ZNF532: variants seen among roughly 807,000 people sequenced by gnomAD.
The protein encoded by ZNF532 is zinc finger protein 532.
Under a neutral mutation model 89.3 loss-of-function variants are expected in ZNF532, and 22 were observed. The observed-to-expected ratio is 0.25, with a 90% CI of 0.18 to 0.35. ZNF532 has a LOEUF of 0.35. Among genes scored for constraint, ZNF532 ranks in the 10% least tolerant of loss-of-function variants. The probability of loss-of-function intolerance (pLI) is 1.00; values close to 1 mark genes in which losing one functional copy is unlikely to be tolerated. For synonymous variants in ZNF532, 606 were observed against 649.6 expected (o/e 0.93, Z 1.02); for missense variants, 1,132 against 1,643.4 (o/e 0.69, Z 5.38).
chr18:58,943,258 C>G (rs1249142494), intron 5 of ZNF532, among the ~76,000 whole-genome samples: 2 of 147,816 alleles, frequency 1.4e-5, no homozygotes, highest in African/African-American at 5.0e-5. Flanking sequence ...CTCCCGGGTT[C>G]TCGCCATTCT....
chr18:58,967,791 C>T (rs1017672961), intron 7 of ZNF532, among the ~76,000 whole-genome samples: 45 of 152,180 alleles, frequency 3.0e-4, no homozygotes, highest in Non-Finnish European at 4.6e-4. Context: ...ACTCTCACCA[C>T]GTTTTATTAC....
At chr18:58,932,091 G>A (rs2062013158) in intron 3 of ZNF532, among the ~76,000 whole-genome samples, 1 of 152,200 alleles carries the variant, frequency 6.6e-6, no homozygotes, top group Non-Finnish European at 1.5e-5. Flanking sequence ...CTAGTGTCCA[G>A]CGTGATTCCC....
Position 58,920,503 on chromosome 18 carries a change from C to T in ZNF532, c.2216C>T (p.Ala739Val), listed in dbSNP as rs199943242. Residue 739 changes from alanine (A) to valine (V), a missense_variant, in exon 3 of 10, where the codon GCC becomes GTC. Transcript: ENST00000591808. ...SAPSSTPITP[A>V]MPLDEDPSKL... ...CCTTCAAGCACTCCCATCACCCCAG[C>T]CATGCCCCTAGATGAAGACCCCTCC... 1.5e-4 allele frequency: 238 copies of T among 1,613,958 alleles called. No homozygotes were observed. In the East Asian group the frequency reaches 4.1e-3, roughly 28 times the overall value.
chr18:58,863,657 C>T (rs1161066701), upstream of ZNF532: 7 of 151,254 alleles, frequency 4.6e-5, no homozygotes, highest in Non-Finnish European at 8.8e-5. Flanking sequence ...GCCACAGCAG[C>T]AGCCGCCGGC....
Position 58,873,382 on chromosome 18 carries a change from G to A in ZNF532, c.-18+7803G>A, listed in dbSNP as rs148673607. On this transcript the variant is annotated intron_variant, in intron 2 of 9. Transcript: ENST00000591808. ...AATCTTTATGTGAACCTGAAAACAC[G>A]ATTTGATTAAGTTAAGCTTTACCGA... Among the ~76,000 whole-genome samples the A allele has an allele frequency of 1.3e-3, 198 of 152,072 alleles. 5 individuals are homozygous for A. The East Asian group carries it at 0.03, about 23-fold the overall frequency.
chr18:58,962,562 A>T (rs1039737414), intron 7 of ZNF532, among the ~76,000 whole-genome samples: 2 of 151,542 alleles, frequency 1.3e-5, no homozygotes, highest in Non-Finnish European at 2.9e-5. Flanking sequence ...TGCTCACCAG[A>T]CCAGCTAATT....
chr18:58,931,773 C>CAA (rs112922607), intron 3 of ZNF532: 2 of 127,600 alleles, frequency 1.6e-5, no homozygotes, highest in Non-Finnish European at 3.4e-5. Flanking sequence ...CCTGTCTGTA[C>CAA]AAAAAAAAAA....
intron 2 of ZNF532, among the ~76,000 whole-genome samples, chr18:58,870,885 T>TG (rs2056922962): frequency 2.0e-5 from 3 of 151,674 alleles, no homozygotes; most frequent in Admixed American, 1.3e-4. Context: ...AGAGTGGAGG[T>TG]GGAGGGACTT....
chr18:58,869,762 G>GTT lies in ZNF532; in HGVS notation c.-18+4203_-18+4204dup, dbSNP rs59118998. ...TTGTTTGGAAGATTTTGGAAGATCTGTTTTTTTTTTTTTTTTTTTTTGGAG... is the reference window on the plus strand; with the variant it reads ...TTGTTTGGAAGATTTTGGAAGATCTGTTTTTTTTTTTTTTTTTTTTTTTGGAG... On this transcript the variant is annotated intron_variant, in intron 2 of 9. Coordinates refer to ENST00000591808, the MANE Select transcript of ZNF532 (RefSeq NM_001375912.1). 9.2e-3 allele frequency among the ~76,000 whole-genome samples: 1,027 copies of GTT among 111,394 alleles called. 33 individuals are homozygous for GTT. The highest frequency in any genetic ancestry group is 0.04 in the Admixed American group (403 of 9,970). The allele number at this position is 111,394 out of a possible 152,430, so 73.1% of individuals were successfully genotyped here.
chr18:58,975,625 C>G (rs528279350), intron 7 of ZNF532, among the ~76,000 whole-genome samples: 1 of 152,066 alleles, frequency 6.6e-6, no homozygotes, highest in Non-Finnish European at 1.5e-5. Context: ...GAAAAGGAGG[C>G]GGGATTAATG....
intron 2 of ZNF532, among the ~76,000 whole-genome samples, chr18:58,870,512 G>A (rs1164973697): frequency 1.3e-5 from 2 of 152,172 alleles, no homozygotes; most frequent in African/African-American, 4.8e-5. Flanking sequence ...GAAGGCAGTT[G>A]AGGGTCACCT....
At chr18:58,951,375 G>A (rs2064141428) in intron 6 of ZNF532, among the ~76,000 whole-genome samples, 1 of 152,132 alleles carries the variant, frequency 6.6e-6, no homozygotes, top group South Asian at 2.1e-4. Flanking sequence ...CCTTTCTTCA[G>A]CTTATCAGTT....
intron 2 of ZNF532, among the ~76,000 whole-genome samples, chr18:58,890,023 T>G (rs188004252): frequency 2.4e-3 from 366 of 150,002 alleles, no homozygotes; most frequent in Middle Eastern, 7.0e-3. Flanking sequence ...GTGGAGGTTG[T>G]GGTAAGCCAA....
chr18:58,909,819 A>T (rs2060172989), intron 2 of ZNF532, among the ~76,000 whole-genome samples: 1 of 152,180 alleles, frequency 6.6e-6, no homozygotes, highest in African/African-American at 2.4e-5. Flanking sequence ...CGCTATGGCC[A>T]CCTCAGGTCA....
chr18:58,908,647 GTAACTC>G (rs1175544167), intron 2 of ZNF532, among the ~76,000 whole-genome samples: 2 of 152,196 alleles, frequency 1.3e-5, no homozygotes, highest in Non-Finnish European at 2.9e-5. Context: ...TGCAGTAAAA[GTAACTC>G]TAATGCATAA....
chr18:58,980,602 A>G (rs17761698), intron 8 of ZNF532: 25,990 of 152,036 alleles, frequency 0.17, 2,949 homozygotes, highest in East Asian at 0.57. Flanking sequence ...CATTCTTGAT[A>G]CCTGGTTTTA....
At chr18:58,974,224 TTTC>T (rs2066793813) in intron 7 of ZNF532, among the ~76,000 whole-genome samples, 1 of 152,216 alleles carries the variant, frequency 6.6e-6, no homozygotes, top group Admixed American at 6.5e-5. Context: ...AACTCCTAAG[TTTC>T]TTATCTTGAA....
At chr18:58,917,510 C>T (rs777788309) in intron 2 of ZNF532, among the ~76,000 whole-genome samples, 1 of 152,072 alleles carries the variant, frequency 6.6e-6, no homozygotes, top group Non-Finnish European at 1.5e-5. Flanking sequence ...CTCTGCGGGT[C>T]GGGGGAAGAG....
At chr18:58,886,441 C>G (rs2058312382) in intron 2 of ZNF532, among the ~76,000 whole-genome samples, 1 of 151,990 alleles carries the variant, frequency 6.6e-6, no homozygotes, top group Non-Finnish European at 1.5e-5. Flanking sequence ...TCAGTACTTA[C>G]AGTGACTCTA....
Sources: allele counts gnomAD v4.1 joint callset (sites outside exome capture counted in the v4.1 genomes callset), GRCh38; gene constraint gnomAD v4.1.1; transcripts MANE v1.5; gene names NCBI Gene and HGNC (gene_info 2026-07-23, HGNC 2026-07-21).